Variants in RBFOX1 observed in about 807,000 individuals in gnomAD.
RBFOX1 encodes the protein RNA binding fox-1 homolog 1, also known as RNA binding protein fox-1 homolog 1.
A neutral mutation model predicts 57.7 loss-of-function variants in RBFOX1; 8 were observed. That is an observed-to-expected ratio of 0.14 (90% confidence interval 0.08 to 0.25). The LOEUF is 0.25. Among genes scored for constraint, RBFOX1 ranks in the 10% least tolerant of loss-of-function variants. The pLI is 1.00. For missense variants in RBFOX1, 611 were observed against 548.5 expected, an observed-to-expected ratio of 1.11 and a Z score of -1.14; for synonymous variants, 326 against 222.4, an observed-to-expected ratio of 1.47 and a Z score of -4.15.
chr16:7,045,739 T>G (rs2047695376), intron 3 of RBFOX1, among the ~76,000 whole-genome samples: 1 of 152,184 alleles, frequency 6.6e-6, no homozygotes, highest in African/African-American at 2.4e-5. Flanking sequence ...ACTGCCTACC[T>G]CTGCCACCCA....
intron 5 of RBFOX1, among the ~76,000 whole-genome samples, chr16:7,549,890 G>A (rs1456204999): frequency 6.6e-6 from 1 of 152,020 alleles, no homozygotes; most frequent in Non-Finnish European, 1.5e-5. Context: ...GTCCAATCAC[G>A]TTGACAATAT....
chr16:5,631,276 C>T (rs904110171), intron 3 of RBFOX1, among the ~76,000 whole-genome samples: 10 of 152,082 alleles, frequency 6.6e-5, no homozygotes, highest in African/African-American at 1.7e-4. Context: ...AGTCTCTCTT[C>T]GGGCAGGCGT....
intron 2 of RBFOX1, among the ~76,000 whole-genome samples, chr16:5,496,361 C>A (rs1337941165): frequency 6.6e-6 from 1 of 152,160 alleles, no homozygotes; most frequent in Non-Finnish European, 1.5e-5. Flanking sequence ...CTTAGCCCTC[C>A]TGTACCATAA....
chr16:5,341,325 T>A (rs997430214), intron 1 of RBFOX1, among the ~76,000 whole-genome samples: 3 of 152,162 alleles, frequency 2.0e-5, no homozygotes, highest in African/African-American at 7.2e-5. Flanking sequence ...TACTGGATCC[T>A]GTTTGAAGAA....
chr16:7,138,896 C>G (rs978831171), intron 4 of RBFOX1, among the ~76,000 whole-genome samples: 3 of 152,132 alleles, frequency 2.0e-5, no homozygotes, highest in African/African-American at 7.2e-5. Context: ...GCAAGCTCCG[C>G]CTCCCGGGTT....
At chr16:6,526,509 C>T (rs1404777054) in intron 2 of RBFOX1, among the ~76,000 whole-genome samples, 2 of 152,060 alleles carry the variant, frequency 1.3e-5, no homozygotes, top group African/African-American at 2.4e-5. Context: ...ATGCTTTATA[C>T]ACAATATCTC....
At chr16:6,579,013 C>T (rs954523419) in intron 2 of RBFOX1, among the ~76,000 whole-genome samples, 1 of 151,980 alleles carries the variant, frequency 6.6e-6, no homozygotes, top group Non-Finnish European at 1.5e-5. Context: ...TGTAACCAAA[C>T]ACCACCTGTT....
intron 4 of RBFOX1, among the ~76,000 whole-genome samples, chr16:7,242,525 A>T (rs552531591): frequency 9.7e-4 from 148 of 152,288 alleles, no homozygotes; most frequent in African/African-American, 3.5e-3. Context: ...CACATTGACT[A>T]AGGAAATGGA....
chr16:7,509,506 C>T (rs548225945), intron 4 of RBFOX1, among the ~76,000 whole-genome samples: 7 of 151,492 alleles, frequency 4.6e-5, no homozygotes, highest in African/African-American at 1.7e-4. Context: ...GGTGAAGCTA[C>T]TCATCATTGG....
At chr16:6,359,489 G>A (rs1213655691) in intron 2 of RBFOX1, among the ~76,000 whole-genome samples, 1 of 152,152 alleles carries the variant, frequency 6.6e-6, no homozygotes, top group East Asian at 1.9e-4. Flanking sequence ...ACTTGTCTTA[G>A]GATGGGAGCA....
chr16:6,266,356 G>C (rs1031724249), intron 1 of RBFOX1, among the ~76,000 whole-genome samples: 3 of 152,184 alleles, frequency 2.0e-5, no homozygotes, highest in African/African-American at 7.2e-5. Context: ...TGTCTCAGAA[G>C]CCATTTCTTT....
chr16:5,308,258 C>T (rs529303916), intron 1 of RBFOX1, among the ~76,000 whole-genome samples: 2 of 151,708 alleles, frequency 1.3e-5, no homozygotes, highest in South Asian at 4.2e-4. Flanking sequence ...ACCTGGGAGG[C>T]AGAGGTTGCA....
At chr16:6,831,893 A>G (rs891970437) in intron 3 of RBFOX1, among the ~76,000 whole-genome samples, 9 of 152,198 alleles carry the variant, frequency 5.9e-5, no homozygotes, top group Non-Finnish European at 1.2e-4. Flanking sequence ...AGGAAAAGCA[A>G]TGTCTTACTT....
chr16:7,504,435 T>A (rs2072082147), intron 4 of RBFOX1, among the ~76,000 whole-genome samples: 1 of 151,748 alleles, frequency 6.6e-6, no homozygotes, highest in African/African-American at 2.4e-5. Flanking sequence ...AACCTCTAAT[T>A]TTGCCTAGGA....
intron 4 of RBFOX1, among the ~76,000 whole-genome samples, chr16:7,435,082 C>G (rs560576279): frequency 6.6e-6 from 1 of 152,190 alleles, no homozygotes; most frequent in South Asian, 2.1e-4. Flanking sequence ...AATATTGATA[C>G]ATTATTGTTA....
At chr16:6,728,695 C>T (rs746647199) in intron 3 of RBFOX1, among the ~76,000 whole-genome samples, 1 of 152,130 alleles carries the variant, frequency 6.6e-6, no homozygotes, top group Non-Finnish European at 1.5e-5. Context: ...GTTTTCATGA[C>T]AGTCAATCAG....
At chr16:5,843,273 G>A (rs2056672481) in intron 3 of RBFOX1, among the ~76,000 whole-genome samples, 1 of 152,176 alleles carries the variant, frequency 6.6e-6, no homozygotes, top group African/African-American at 2.4e-5. Context: ...TATTTATTCT[G>A]ATCCTCTAAC....
At chr16:6,483,192 C>G (rs578032098) in intron 2 of RBFOX1, 5 of 1,169,932 alleles carry the variant, frequency 4.3e-6, no homozygotes, top group African/African-American at 3.3e-5. Flanking sequence ...TTGGCGCGGA[C>G]AGAGGCCGAG....
intron 1 of RBFOX1, among the ~76,000 whole-genome samples, chr16:5,432,248 A>G (rs2067761521): frequency 6.6e-6 from 1 of 152,188 alleles, no homozygotes; most frequent in South Asian, 2.1e-4. Flanking sequence ...ATCGGCCTGT[A>G]AAAATAAAAA....
Sources: gnomAD v4.1 joint callset for allele counts (sites outside exome capture counted in the v4.1 genomes callset) on GRCh38, gnomAD v4.1.1 for gene constraint, MANE v1.5 for transcripts, NCBI Gene and HGNC (gene_info 2026-07-23, HGNC 2026-07-21) for gene names.